CCDC30: variants seen among roughly 807,000 people sequenced by gnomAD.
CCDC30 encodes the protein coiled-coil domain containing 30.
In CCDC30, 70 loss-of-function variants were observed where a neutral mutation model predicts 100.2. The observed-to-expected ratio is 0.70, with a 90% CI of 0.58 to 0.85. The LOEUF (loss-of-function observed/expected upper bound fraction) is 0.85, where lower values mean the gene tolerates loss of function less well. Ranked by LOEUF, CCDC30 falls within the 40% of genes least tolerant of loss-of-function variation. CCDC30 has a pLI of 0.00. For missense variants in CCDC30, 652 were observed against 771.2 expected (o/e 0.85, Z 1.83); for synonymous variants, 233 against 269.5 (o/e 0.86, Z 1.33).
At chr1:42,457,418 C>G in the CCDC30 span, 3 of 1,342,108 alleles carry the variant, frequency 2.2e-6, no homozygotes, top group South Asian at 1.2e-5. Context: ...TCCTCTTGAT[C>G]TGGAGATGGC....
At chr1:42,570,054 A>G (rs887290192) in intron 7 of CCDC30, among the ~76,000 whole-genome samples, 2 of 152,204 alleles carry the variant, frequency 1.3e-5, no homozygotes, top group African/African-American at 2.4e-5. Flanking sequence ...GCAGCAAACT[A>G]CCGTGGCACA....
chr1:42,476,567 G>A (rs547386481), intron 1 of CCDC30, among the ~76,000 whole-genome samples: 1 of 152,028 alleles, frequency 6.6e-6, no homozygotes, highest in South Asian at 2.1e-4. Context: ...GTTCATGCCT[G>A]TAATCTCAGC....
At chr1:42,470,167 G>A (rs1643721881) in intron 1 of CCDC30, among the ~76,000 whole-genome samples, 1 of 152,192 alleles carries the variant, frequency 6.6e-6, no homozygotes, top group Non-Finnish European at 1.5e-5. Flanking sequence ...GGGCAAACAA[G>A]TGAAGCCAAA....
chr1:42,622,492 T>C (rs563432673), intron 11 of CCDC30, among the ~76,000 whole-genome samples: 2 of 152,332 alleles, frequency 1.3e-5, no homozygotes, highest in East Asian at 3.9e-4. Flanking sequence ...GCTCAATGTT[T>C]AGGTTTTATT....
At chr1:42,561,505 G>A (rs1042521479) in intron 6 of CCDC30, among the ~76,000 whole-genome samples, 1 of 152,116 alleles carries the variant, frequency 6.6e-6, no homozygotes, top group African/African-American at 2.4e-5. Flanking sequence ...ATATCATATT[G>A]AATGGGCAAA....
At chr1:42,598,353 A>G (rs1046454473) in intron 10 of CCDC30, among the ~76,000 whole-genome samples, 1 of 151,538 alleles carries the variant, frequency 6.6e-6, no homozygotes, top group African/African-American at 2.4e-5. Flanking sequence ...CCTTATCTCT[A>G]CAAAAAATAT....
chr1:42,646,020 A>G, intron 14 of CCDC30, 115 bp from the exon 19 acceptor site: 1 of 1,333,654 alleles, frequency 7.5e-7, no homozygotes, highest in Non-Finnish European at 9.9e-7. Flanking sequence ...GAATGGTCAC[A>G]TGGATCAGAA....
chr1:42,471,064 T>C (rs1441342439), intron 1 of CCDC30, among the ~76,000 whole-genome samples: 2 of 152,196 alleles, frequency 1.3e-5, no homozygotes, highest in African/African-American at 2.4e-5. Context: ...TAGCTCAGGC[T>C]GTTGATAAGG....
At chr1:42,585,950 TG>T (rs1470351958) in intron 9 of CCDC30, among the ~76,000 whole-genome samples, 1 of 152,212 alleles carries the variant, frequency 6.6e-6, no homozygotes, top group East Asian at 1.9e-4. Flanking sequence ...TAGACTTTTT[TG>T]CTATTATAAA....
intron 6 of CCDC30, among the ~76,000 whole-genome samples, chr1:42,553,456 A>G (rs1435872584): frequency 6.6e-6 from 1 of 151,584 alleles, no homozygotes; most frequent in Non-Finnish European, 1.5e-5. Flanking sequence ...TGTCTACTCC[A>G]TCTTCTTCGA....
intron 13 of CCDC30, among the ~76,000 whole-genome samples, chr1:42,643,580 T>A (rs1301204753): frequency 6.6e-6 from 1 of 152,230 alleles, no homozygotes; most frequent in Non-Finnish European, 1.5e-5. Flanking sequence ...ATTAATCATA[T>A]TTCTATCTTG....
At chr1:42,573,026 A>T (rs1222120346) in intron 7 of CCDC30, among the ~76,000 whole-genome samples, 3 of 152,216 alleles carry the variant, frequency 2.0e-5, no homozygotes, top group Admixed American at 2.0e-4. Flanking sequence ...AAATATTAAC[A>T]TTTGATAGAA....
intron 6 of CCDC30, among the ~76,000 whole-genome samples, chr1:42,519,804 C>T (rs1181261271): frequency 2.6e-5 from 4 of 152,168 alleles, no homozygotes; most frequent in Non-Finnish European, 5.9e-5. Context: ...TCGCCCACCT[C>T]AGCCTCCCAA....
intron 9 of CCDC30, among the ~76,000 whole-genome samples, chr1:42,587,888 C>G (rs574980570): frequency 1.3e-5 from 2 of 152,286 alleles, no homozygotes; most frequent in African/African-American, 4.8e-5. Flanking sequence ...GGTCCCATTG[C>G]TTAGTGCACA....
At chr1:42,525,780 TTA>T (rs1240525017) in intron 6 of CCDC30, among the ~76,000 whole-genome samples, 1 of 152,206 alleles carries the variant, frequency 6.6e-6, no homozygotes, top group Non-Finnish European at 1.5e-5. Flanking sequence ...ATAGGAACTT[TTA>T]TTCTAGGGCT....
intron 11 of CCDC30, among the ~76,000 whole-genome samples, chr1:42,615,932 T>C (rs915113763): frequency 6.6e-6 from 1 of 152,080 alleles, no homozygotes; most frequent in Non-Finnish European, 1.5e-5. Flanking sequence ...TGGTTTTTTT[T>C]TTAGATGGAG....
At chr1:42,545,186 A>AAAAAAAAAAAAAAT (rs760685126) in intron 6 of CCDC30, among the ~76,000 whole-genome samples, 7 of 126,038 alleles carry the variant, frequency 5.6e-5, no homozygotes, top group Admixed American at 1.7e-4. Context: ...AAAAAAAAAA[A>AAAAAAAAAAAAAAT]AAGGGAATTT....
chr1:42,582,684 C>CA (rs1405275179), intron 9 of CCDC30, among the ~76,000 whole-genome samples: 2 of 152,190 alleles, frequency 1.3e-5, no homozygotes, highest in East Asian at 1.9e-4. Context: ...TTGAGCATCA[C>CA]AAAAAACTGT....
chr1:42,464,863 C>T (rs187098437), intron 1 of CCDC30, among the ~76,000 whole-genome samples: 33 of 152,298 alleles, frequency 2.2e-4, no homozygotes, highest in Admixed American at 2.6e-4. Context: ...TAGAAGCAGT[C>T]GTTTGTGATG....
Sources: gnomAD v4.1 joint callset for allele counts (sites outside exome capture counted in the v4.1 genomes callset) on GRCh38, gnomAD v4.1.1 for gene constraint, MANE v1.5 for transcripts, NCBI Gene and HGNC (gene_info 2026-07-23, HGNC 2026-07-21) for gene names.